The following TSG101 variants were observed in gnomAD, a reference collection of about 807,000 sequenced individuals.
The protein encoded by TSG101 is tumor susceptibility 101, also known as tumor susceptibility gene 101 protein.
TSG101 carries 19 observed loss-of-function variants against 48.5 expected under a neutral mutation model. The ratio of observed to expected loss-of-function variants is 0.39; its 90% CI spans 0.27 to 0.58. The LOEUF (loss-of-function observed/expected upper bound fraction) is 0.58. Among genes scored for constraint, TSG101 ranks in the 20% least tolerant of loss-of-function variants. The pLI, the probability that TSG101 is intolerant of heterozygous loss-of-function variation, is 0.55. For missense variants in TSG101, 365 were observed against 484.4 expected (o/e 0.75, Z 2.31); for synonymous variants, 174 against 169.4 (o/e 1.03, Z -0.21).
At chr11:18,480,942 A>T (rs1252196517) in intron 9 of TSG101, among the ~76,000 whole-genome samples, 1 of 152,198 alleles carries the variant, frequency 6.6e-6, no homozygotes, top group African/African-American at 2.4e-5. Context: ...GTTTATATCC[A>T]GCCATTCATG....
Position 18,484,038 on chromosome 11 carries a change from G to A in TSG101, c.675C>T (p.Thr225=), listed in dbSNP as rs1484584539. 1.9e-6 allele frequency: 3 copies of A among 1,614,000 alleles called. No homozygotes were observed. The highest frequency in any genetic ancestry group is 1.3e-5 in the African/African-American group (1 of 74,900). ...PSRDGTISED[T]IRASLISAVS... ...CCGCAGAGATGAGAGAGGCTCGGAT[G>A]GTGTCCTCGCTGATTGTGCCATCCC... The change falls in exon 8 of 10, where the codon ACC becomes ACT. Residue 225 remains threonine, a synonymous_variant. Coordinates refer to ENST00000251968, the MANE Select transcript of TSG101 (RefSeq NM_006292.4).
At chr11:18,494,424 A>C (rs1287580520) in intron 7 of TSG101, among the ~76,000 whole-genome samples, 1 of 152,250 alleles carries the variant, frequency 6.6e-6, no homozygotes. Context: ...AAGCCAAATG[A>C]ATCAGCTTCT....
intron 9 of TSG101, among the ~76,000 whole-genome samples, chr11:18,480,883 C>T (rs901141004): frequency 2.8e-4 from 43 of 152,136 alleles, no homozygotes; most frequent in African/African-American, 8.9e-4. Context: ...TAAGCCATGC[C>T]ACTCAAGCAA....
intron 6 of TSG101, among the ~76,000 whole-genome samples, chr11:18,503,441 C>G (rs1426548316): frequency 1.4e-5 from 2 of 145,298 alleles, no homozygotes; most frequent in African/African-American, 5.1e-5. Context: ...GGTGTGATCT[C>G]AGCTCACTGC....
rs35224427 is a variant in TSG101, at chr11:18,497,103, C to CAA, written c.640+5381_640+5382dup. ...GAGTCTGTCTCAAAAACAACAACAA[C>CAA]AAAAAAAACAAGGATAAATAACCAA... On this transcript the variant is annotated intron_variant, in intron 7 of 9. Coordinates refer to ENST00000251968, the MANE Select transcript of TSG101 (RefSeq NM_006292.4). Among the ~76,000 whole-genome samples the CAA allele has an allele frequency of 4.9e-3, 742 of 151,454 alleles. 6 individuals carry two copies. The highest frequency in any genetic ancestry group is 0.017 in the African/African-American group (718 of 41,368).
chr11:18,493,704 A>C (rs1199875032), intron 7 of TSG101, among the ~76,000 whole-genome samples: 2 of 152,196 alleles, frequency 1.3e-5, no homozygotes. Flanking sequence ...TATGAGGATT[A>C]TTTTTCTTTC....
intron 7 of TSG101, among the ~76,000 whole-genome samples, chr11:18,497,991 C>G (rs1394265281): frequency 6.6e-6 from 1 of 151,426 alleles, no homozygotes; most frequent in Non-Finnish European, 1.5e-5. Context: ...TCACAAGATT[C>G]TATGTTCATT....
At chr11:18,519,470 AG>A in intron 2 of TSG101, 48 bp downstream of exon 2, 2 of 1,412,828 alleles carry the variant, frequency 1.4e-6, no homozygotes, top group East Asian at 4.6e-5. Context: ...ATTAACAAAG[AG>A]AGTAAACTCA....
chr11:18,484,850 G>A (rs1849594290), intron 7 of TSG101, among the ~76,000 whole-genome samples: 1 of 151,300 alleles, frequency 6.6e-6, no homozygotes, highest in Non-Finnish European at 1.5e-5. Context: ...ATCAGCAAAT[G>A]TGTAAATGGC....
intron 7 of TSG101, among the ~76,000 whole-genome samples, chr11:18,499,401 TA>T (rs1194165298): frequency 1.0e-3 from 17 of 16,272 alleles, no homozygotes; most frequent in African/African-American, 3.1e-3. Context: ...TATATATATA[TA>T]TTTTTTTTTT....
chr11:18,492,104 T>C lies in TSG101; in HGVS notation c.641-8032A>G, dbSNP rs563403648. On this transcript the variant is annotated intron_variant, in intron 7 of 9. Transcript: ENST00000251968. ...AGGATGATTCATGATATGATGACTA[T>C]TGAAGATTTCATTAAGTCCCCAGTT... 1.4e-4 allele frequency among the ~76,000 whole-genome samples: 22 copies of C among 152,348 alleles called. No homozygotes were observed. The Middle Eastern group carries it at 0.014, about 94-fold the overall frequency.
At chr11:18,483,113 G>C (rs1293256268) in intron 8 of TSG101, among the ~76,000 whole-genome samples, 3 of 152,142 alleles carry the variant, frequency 2.0e-5, no homozygotes, top group African/African-American at 4.8e-5. Context: ...TTCTATTCTC[G>C]TGATAGTAAG....
At position 18,526,820 on chromosome 11, in the gene TSG101, G is replaced by C. The variant is rs186606933; in HGVS notation, c.-4C>G. 1,466 of 1,601,998 alleles carry C rather than the reference G, an allele frequency of 9.2e-4. 11 individuals carry two copies. In the African/African-American group the frequency reaches 0.018, roughly 19 times the overall value. ...GCTGGCTCTCCGACACCGCCATGAC[G>C]GCCGCCTGGCGACTCCCTTCCCCGC... On this transcript the variant is annotated 5_prime_UTR_variant, in exon 1 of 10. Transcript: ENST00000251968.
chr11:18,514,655 C>T, intron 4 of TSG101, 23 bp downstream of exon 4: 1 of 1,510,880 alleles, frequency 6.6e-7, no homozygotes, highest in Non-Finnish European at 8.8e-7. Flanking sequence ...ATAACTAATT[C>T]ACAGAACACT....
intron 1 of TSG101, chr11:18,525,602 A>C: frequency 1.2e-6 from 1 of 807,094 alleles, no homozygotes; most frequent in Non-Finnish European, 1.5e-6. Flanking sequence ...ATACTATGTA[A>C]AACAATATAC....
At chr11:18,494,009 C>T (rs1849737589) in intron 7 of TSG101, among the ~76,000 whole-genome samples, 1 of 152,106 alleles carries the variant, frequency 6.6e-6, no homozygotes, top group African/African-American at 2.4e-5. Flanking sequence ...TCTATCAACA[C>T]AATCAATAAG....
At chr11:18,489,107 C>A (rs1290698356) in intron 7 of TSG101, among the ~76,000 whole-genome samples, 3 of 150,114 alleles carry the variant, frequency 2.0e-5, no homozygotes, top group Middle Eastern at 6.8e-3. Context: ...CAGCAAGACT[C>A]CATCTCAAAA....
chr11:18,499,402 A>ATATATATATATATATATATTTTT, intron 7 of TSG101, among the ~76,000 whole-genome samples: 3 of 5,452 alleles, frequency 5.5e-4, no homozygotes, highest in Non-Finnish European at 7.0e-4. Flanking sequence ...ATATATATAT[A>ATATATATATATATATATATTTTT]TTTTTTTTTT....
chr11:18,490,371 G>A, intron 7 of TSG101: 1 of 603,442 alleles, frequency 1.7e-6, no homozygotes, highest in Non-Finnish European at 3.2e-6. Context: ...TTCAGTAATT[G>A]CTTCATCAAA....
Sources: allele counts gnomAD v4.1 joint callset (sites outside exome capture counted in the v4.1 genomes callset), GRCh38; gene constraint gnomAD v4.1.1; transcripts MANE v1.5; gene names NCBI Gene and HGNC (gene_info 2026-07-23, HGNC 2026-07-21).